Variants in INVS observed in about 807,000 individuals in gnomAD.
The protein encoded by INVS is inversion of embryo turning homolog.
A neutral mutation model predicts 108.8 loss-of-function variants in INVS; 86 were observed. That is an observed-to-expected ratio of 0.79 (90% CI 0.66 to 0.95). The LOEUF (loss-of-function observed/expected upper bound fraction) is 0.95. Among genes scored for constraint, INVS ranks in the 40% least tolerant of loss-of-function variants. The pLI is 0.00. For synonymous variants in INVS, 455 were observed against 473.5 expected, an observed-to-expected ratio of 0.96 and a Z score of 0.51; for missense variants, 1,169 against 1,297.4, an observed-to-expected ratio of 0.90 and a Z score of 1.52.
intron 3 of INVS, among the ~76,000 whole-genome samples, chr9:100,183,248 A>G (rs35123004): frequency 0.011 from 1,648 of 152,296 alleles, 16 homozygotes; most frequent in African/African-American, 0.016. Flanking sequence ...CGTTCTGCAC[A>G]TGTATCTCAA....
At chr9:100,107,296 A>G (rs1797895917) in intron 2 of INVS, among the ~76,000 whole-genome samples, 1 of 152,200 alleles carries the variant, frequency 6.6e-6, no homozygotes, top group African/African-American at 2.4e-5. Context: ...TTTACCACCT[A>G]CATATACATC....
chr9:100,260,234 G>A (rs1368811539), intron 10 of INVS, among the ~76,000 whole-genome samples: 2 of 132,126 alleles, frequency 1.5e-5, no homozygotes, highest in African/African-American at 2.8e-5. Flanking sequence ...CTTTCACCCA[G>A]GCTGGAGTGC....
chr9:100,205,630 G>C (rs910992189), intron 3 of INVS, among the ~76,000 whole-genome samples: 1 of 151,594 alleles, frequency 6.6e-6, no homozygotes, highest in Admixed American at 6.6e-5. Flanking sequence ...TTAATCTCTA[G>C]AATAATGAGC....
At chr9:100,223,729 G>A (rs1015276289) in intron 3 of INVS, among the ~76,000 whole-genome samples, 3 of 152,244 alleles carry the variant, frequency 2.0e-5, no homozygotes, top group Admixed American at 6.5e-5. Context: ...ATATCCAGCA[G>A]AGTCCGTTGG....
intron 1 of INVS, among the ~76,000 whole-genome samples, chr9:100,100,530 T>C (rs889404493): frequency 1.5e-5 from 2 of 135,138 alleles, no homozygotes; most frequent in Middle Eastern, 3.6e-3. Flanking sequence ...GCTATATACC[T>C]GTTACTGTGC....
At chr9:100,291,318 C>T (rs1290664289) in intron 13 of INVS, among the ~76,000 whole-genome samples, 2 of 152,150 alleles carry the variant, frequency 1.3e-5, no homozygotes, top group African/African-American at 4.8e-5. Flanking sequence ...CCTCGGCCTC[C>T]CAAAGTGCTG....
intron 12 of INVS, among the ~76,000 whole-genome samples, chr9:100,280,403 C>A (rs1245564524): frequency 6.6e-6 from 1 of 152,030 alleles, no homozygotes; most frequent in African/African-American, 2.4e-5. Context: ...TGAAGAGCTG[C>A]AAAATTGCTC....
At chr9:100,218,424 T>A (rs1023398915) in intron 3 of INVS, among the ~76,000 whole-genome samples, 1 of 152,192 alleles carries the variant, frequency 6.6e-6, no homozygotes, top group African/African-American at 2.4e-5. Context: ...CATTGAAGTC[T>A]GTTAAAGTAA....
chr9:100,117,208 C>CT, intron 2 of INVS: 2 of 980,906 alleles, frequency 2.0e-6, no homozygotes, highest in Non-Finnish European at 3.1e-6. Flanking sequence ...CCTTGGAGCA[C>CT]TTAACACCCA....
intron 12 of INVS, among the ~76,000 whole-genome samples, chr9:100,282,548 T>C (rs1178486208): frequency 6.6e-6 from 1 of 152,224 alleles, no homozygotes; most frequent in Admixed American, 6.5e-5. Context: ...CCCAGATGTA[T>C]GTCAGCTGGG....
At chr9:100,189,692 C>G (rs2118147698) in intron 3 of INVS, among the ~76,000 whole-genome samples, 1 of 151,910 alleles carries the variant, frequency 6.6e-6, no homozygotes, top group South Asian at 2.1e-4. Flanking sequence ...TGTGTTCTAT[C>G]TTGGAGAATG....
intron 3 of INVS, among the ~76,000 whole-genome samples, chr9:100,156,604 C>T (rs1317430235): frequency 6.6e-6 from 1 of 151,928 alleles, no homozygotes; most frequent in Non-Finnish European, 1.5e-5. Flanking sequence ...ATTGATTTAA[C>T]TTTTTCAAAA....
intron 16 of INVS, 94 bp from the exon 17 acceptor site, chr9:100,300,474 A>G (rs999039379): frequency 3.5e-6 from 3 of 868,794 alleles, no homozygotes; most frequent in Non-Finnish European, 5.8e-6. Context: ...GGGATAGCCT[A>G]AACCGAAATC....
At chr9:100,243,989 C>T (rs1480058815) in intron 7 of INVS, among the ~76,000 whole-genome samples, 3 of 151,870 alleles carry the variant, frequency 2.0e-5, no homozygotes, top group Admixed American at 6.6e-5. Flanking sequence ...CCAGCCTGGG[C>T]GACAGAGCAA....
intron 3 of INVS, among the ~76,000 whole-genome samples, chr9:100,181,077 AC>A (rs1310939642): frequency 2.6e-5 from 4 of 152,052 alleles, no homozygotes; most frequent in African/African-American, 9.7e-5. Context: ...AAAATTCAAC[AC>A]CCCTTCATGC....
At chr9:100,235,575 C>T (rs1283847527) in intron 5 of INVS, among the ~76,000 whole-genome samples, 1 of 152,088 alleles carries the variant, frequency 6.6e-6, no homozygotes, top group Non-Finnish European at 1.5e-5. Flanking sequence ...GACAAAAATC[C>T]CTCAGCATTT....
At position 100,100,928 on chromosome 9, in the gene INVS, AATATATATAATATAT is replaced by A. The variant is rs1564112292; in HGVS notation, c.-25+1516_-25+1530del. Among the ~76,000 whole-genome samples the A allele has an allele frequency of 6.9e-4, 16 of 23,230 alleles. 3 individuals are homozygous for A. Among genetic ancestry groups the A allele is most frequent in the African/African-American group, 4.7e-3 (15 of 3,204 alleles). The allele number at this position is 23,230 out of a possible 152,430, so 15.2% of individuals were successfully genotyped here. ...GTATATATATTATATGTATATATAT[AATATATATAATATAT>A]ATACATATATATTATATATATAATA... On this transcript the variant is annotated intron_variant, in intron 1 of 16. Transcript: ENST00000262457.
chr9:100,230,340 T>C (rs1160427886), intron 5 of INVS, among the ~76,000 whole-genome samples: 2 of 152,200 alleles, frequency 1.3e-5, no homozygotes, highest in African/African-American at 4.8e-5. Flanking sequence ...TTCAATCTTG[T>C]GTTATCATTC....
chr9:100,168,223 T>C (rs557272300), intron 3 of INVS, among the ~76,000 whole-genome samples: 1 of 152,312 alleles, frequency 6.6e-6, no homozygotes, highest in African/African-American at 2.4e-5. Context: ...GATACTTCAA[T>C]TGGCTTATCT....
Sources: allele counts gnomAD v4.1 joint callset (sites outside exome capture counted in the v4.1 genomes callset), GRCh38; gene constraint gnomAD v4.1.1; transcripts MANE v1.5; gene names NCBI Gene and HGNC (gene_info 2026-07-23, HGNC 2026-07-21).